REC114: variants seen among roughly 807,000 people sequenced by gnomAD.
The protein encoded by REC114 is REC114 meiotic recombination protein.
In REC114, 27 loss-of-function variants were observed where a neutral mutation model predicts 31.3. The observed-to-expected ratio is 0.86, with a 90% confidence interval of 0.64 to 1.19. REC114 has a LOEUF of 1.19. Among genes scored for constraint, REC114 ranks in the 50% most tolerant of loss-of-function variants. The probability of loss-of-function intolerance (pLI) is 0.00; values close to 1 mark genes in which losing one functional copy is unlikely to be tolerated. For missense variants in REC114, 344 were observed against 326.9 expected, an observed-to-expected ratio of 1.05 and a Z score of -0.40; for synonymous variants, 134 against 127.7, an observed-to-expected ratio of 1.05 and a Z score of -0.33.
At chr15:73,468,819 A>G (rs1368244354) in intron 1 of REC114, among the ~76,000 whole-genome samples, 3 of 151,894 alleles carry the variant, frequency 2.0e-5, no homozygotes, top group African/African-American at 4.8e-5. Context: ...TGAGGTGATC[A>G]TATGGTTTTT....
intron 1 of REC114, among the ~76,000 whole-genome samples, chr15:73,456,688 A>C (rs1237477099): frequency 6.6e-6 from 1 of 152,160 alleles, no homozygotes; most frequent in African/African-American, 2.4e-5. Flanking sequence ...AAATATTATT[A>C]TACCCATTTT....
chr15:73,487,690 C>T (rs1893389405), intron 2 of REC114, among the ~76,000 whole-genome samples: 1 of 152,214 alleles, frequency 6.6e-6, no homozygotes, highest in Non-Finnish European at 1.5e-5. Context: ...GTGCCTGCAG[C>T]TCTTCCAGGC....
chr15:73,528,279 A>G (rs1379861373), intron 2 of REC114, among the ~76,000 whole-genome samples: 1 of 152,188 alleles, frequency 6.6e-6, no homozygotes, highest in African/African-American at 2.4e-5. Context: ...CCATTTTGCA[A>G]CCCCAGATGA....
At chr15:73,479,832 A>G (rs977918049) in intron 2 of REC114, among the ~76,000 whole-genome samples, 12 of 152,148 alleles carry the variant, frequency 7.9e-5, no homozygotes, top group Admixed American at 2.6e-4. Context: ...TTATCCACTT[A>G]TCCACTGATG....
intron 1 of REC114, among the ~76,000 whole-genome samples, chr15:73,465,466 C>G (rs1893044334): frequency 6.6e-6 from 1 of 152,214 alleles, no homozygotes; most frequent in Non-Finnish European, 1.5e-5. Flanking sequence ...GCCTCACCTT[C>G]TCAGATGCCT....
intron 1 of REC114, among the ~76,000 whole-genome samples, chr15:73,451,175 C>T (rs994690223): frequency 6.6e-6 from 1 of 152,048 alleles, no homozygotes; most frequent in East Asian, 1.9e-4. Flanking sequence ...AAAAACCCTT[C>T]AAAAGTCAGT....
chr15:73,511,167 C>G (rs2141314752), intron 2 of REC114, among the ~76,000 whole-genome samples: 1 of 152,180 alleles, frequency 6.6e-6, no homozygotes, highest in Non-Finnish European at 1.5e-5. Flanking sequence ...CTGGTTTAGT[C>G]TTGGGAGAGT....
chr15:73,506,528 A>G (rs1893680210), intron 2 of REC114, among the ~76,000 whole-genome samples: 1 of 152,234 alleles, frequency 6.6e-6, no homozygotes, highest in Admixed American at 6.5e-5. Flanking sequence ...GCTATATATA[A>G]TAATTCAGGA....
intron 3 of REC114, among the ~76,000 whole-genome samples, chr15:73,550,414 A>G (rs1346982421): frequency 6.6e-6 from 1 of 152,198 alleles, no homozygotes; most frequent in Non-Finnish European, 1.5e-5. Context: ...TTAAGGATAA[A>G]GGGTACTACA....
In REC114 at chr15:73,445,316, A is replaced by T. The variant is rs1593442; in HGVS notation, c.159+1972A>T. Among the ~76,000 whole-genome samples the T allele has an allele frequency of 3.3e-3, 510 of 152,342 alleles. 2 individuals carry two copies. The highest frequency in any genetic ancestry group is 0.012 in the African/African-American group (483 of 41,570). Reference sequence around the variant, plus strand: ...AAAGGCTGTTTTGAATACGTTAAAAAATCAGATCAGACTTTGGCTTAAGGG... The same window carrying T: ...AAAGGCTGTTTTGAATACGTTAAAATATCAGATCAGACTTTGGCTTAAGGG... On this transcript the variant is annotated intron_variant, in intron 1 of 5. Coordinates refer to ENST00000331090, the MANE Select transcript of REC114 (RefSeq NM_001042367.2).
At chr15:73,452,524 A>G (rs889118747) in intron 1 of REC114, among the ~76,000 whole-genome samples, 1 of 152,248 alleles carries the variant, frequency 6.6e-6, no homozygotes, top group Non-Finnish European at 1.5e-5. Context: ...GCTCATGGAT[A>G]GGCAGAATCA....
intron 2 of REC114, among the ~76,000 whole-genome samples, 181 bp from the exon 3 acceptor site, chr15:73,540,304 C>G (rs1044222165): frequency 5.3e-5 from 8 of 152,108 alleles, no homozygotes; most frequent in African/African-American, 1.9e-4. Flanking sequence ...AGGAAAAGCA[C>G]CAGGACATTG....
chr15:73,534,761 A>G (rs1174885673), intron 2 of REC114, among the ~76,000 whole-genome samples: 2 of 151,954 alleles, frequency 1.3e-5, no homozygotes, highest in East Asian at 1.9e-4. Context: ...TTTGATGAAC[A>G]TTGATGCAGA....
At chr15:73,457,317 C>T (rs1892929927) in intron 1 of REC114, among the ~76,000 whole-genome samples, 1 of 152,112 alleles carries the variant, frequency 6.6e-6, no homozygotes, top group Non-Finnish European at 1.5e-5. Flanking sequence ...GGTCCTTTCC[C>T]CACCCTCTGG....
intron 3 of REC114, among the ~76,000 whole-genome samples, chr15:73,547,027 C>T (rs1894318521): frequency 6.6e-6 from 1 of 152,024 alleles, no homozygotes. Context: ...AGTAATACCC[C>T]ACAAGTGTAG....
intron 2 of REC114, among the ~76,000 whole-genome samples, chr15:73,526,485 C>T (rs1045224372): frequency 2.0e-5 from 3 of 152,134 alleles, no homozygotes; most frequent in Non-Finnish European, 4.4e-5. Flanking sequence ...TATCACCACC[C>T]ACCATGGCTG....
intron 3 of REC114, 73 bp from the exon 4 acceptor site, chr15:73,550,865 C>G: frequency 7.1e-7 from 1 of 1,417,176 alleles, no homozygotes; most frequent in Non-Finnish European, 9.9e-7. Flanking sequence ...AAAGGAAACA[C>G]TCAGTGGAAG....
chr15:73,463,027 T>G (rs941201523), intron 1 of REC114, among the ~76,000 whole-genome samples: 2 of 152,154 alleles, frequency 1.3e-5, no homozygotes, highest in Non-Finnish European at 2.9e-5. Flanking sequence ...GGTTCATATC[T>G]CTAAAAGAAA....
At chr15:73,508,713 C>A (rs867658421) in intron 2 of REC114, among the ~76,000 whole-genome samples, 61 of 148,080 alleles carry the variant, frequency 4.1e-4, no homozygotes, top group Middle Eastern at 3.5e-3. Context: ...TTTGTTCTTG[C>A]GATAGTTTAC....
Sources: gnomAD v4.1 joint callset for allele counts (sites outside exome capture counted in the v4.1 genomes callset) on GRCh38, gnomAD v4.1.1 for gene constraint, MANE v1.5 for transcripts, NCBI Gene and HGNC (gene_info 2026-07-23, HGNC 2026-07-21) for gene names.